UVRAG: variants seen among roughly 807,000 people sequenced by gnomAD.
UVRAG encodes UV radiation resistance associated, also known as UV radiation resistance-associated gene protein.
A neutral mutation model predicts 78.0 loss-of-function variants in UVRAG; 19 were observed. The ratio of observed to expected loss-of-function variants is 0.24; its 90% CI spans 0.17 to 0.36. The LOEUF is 0.36. Ranked by LOEUF, UVRAG falls within the 10% of genes least tolerant of loss-of-function variation. The pLI is 1.00. For synonymous variants in UVRAG, 323 were observed against 324.6 expected (o/e 1.00, Z 0.05); for missense variants, 740 against 853.8 (o/e 0.87, Z 1.66).
intron 14 of UVRAG, chr11:76,137,873 CTCTAGCCTGAGCAACAGAGT>C (rs1285946396): frequency 6.3e-6 from 1 of 158,356 alleles, no homozygotes; most frequent in Non-Finnish European, 1.4e-5. Context: ...CACCAGTGTA[CTCTAGCCTGAGCAACAGAGT>C]GAGACTTTGT....
chr11:76,129,934 C>T (rs1952482552), intron 14 of UVRAG, among the ~76,000 whole-genome samples: 1 of 143,040 alleles, frequency 7.0e-6, no homozygotes, highest in African/African-American at 2.9e-5. Flanking sequence ...CTCTCTCTCG[C>T]TCTCTCTCTC....
At chr11:76,130,529 G>T (rs765978979) in intron 14 of UVRAG, among the ~76,000 whole-genome samples, 5 of 152,212 alleles carry the variant, frequency 3.3e-5, no homozygotes, top group Non-Finnish European at 7.3e-5. Flanking sequence ...CATCTCTAGA[G>T]TCCCAGTCTC....
chr11:75,997,282 T>C (rs926497732), intron 8 of UVRAG, among the ~76,000 whole-genome samples: 2 of 152,234 alleles, frequency 1.3e-5, no homozygotes, highest in African/African-American at 4.8e-5. Flanking sequence ...GAGCTGGCCA[T>C]TGGCCAGTCT....
At position 76,004,461 on chromosome 11, in the gene UVRAG, G is replaced by C. The variant is rs1023594593; in HGVS notation, c.911+372G>C. On this transcript the variant is annotated intron_variant, in intron 9 of 14. Transcript: ENST00000356136. ...CTTCTGCTTCTTGTTAGCTCATTTG[G>C]ATTACTTCAGCAACTAGATTATCTC... is the stretch of plus-strand genomic sequence containing the variant. 2.7e-5 allele frequency among the ~76,000 whole-genome samples: 4 copies of C among 150,854 alleles called. No individual in the cohort carries two copies. In the South Asian group the frequency reaches 8.4e-4, roughly 32 times the overall value.
intron 6 of UVRAG, among the ~76,000 whole-genome samples, chr11:75,951,601 C>T (rs1050627851): frequency 2.0e-5 from 3 of 152,060 alleles, no homozygotes; most frequent in Admixed American, 6.5e-5. Context: ...AGGCTGGTCT[C>T]GAACTCCCAG....
intron 7 of UVRAG, among the ~76,000 whole-genome samples, chr11:75,965,768 ATCT>A (rs1282709669): frequency 2.0e-5 from 3 of 152,164 alleles, no homozygotes; most frequent in Non-Finnish European, 4.4e-5. Flanking sequence ...TAACTTATTA[ATCT>A]TCTGTCTTGC....
chr11:75,982,530 CAGGT>C (rs1565103023), intron 7 of UVRAG, among the ~76,000 whole-genome samples: 1 of 152,144 alleles, frequency 6.6e-6, no homozygotes, highest in Non-Finnish European at 1.5e-5. Context: ...TTATTACAGA[CAGGT>C]GGGTGGTAAA....
At chr11:76,114,842 C>CTT (rs1420466430) in intron 13 of UVRAG, among the ~76,000 whole-genome samples, 2 of 152,128 alleles carry the variant, frequency 1.3e-5, no homozygotes, top group African/African-American at 4.8e-5. Flanking sequence ...TGGTTTTATT[C>CTT]TTTAAGAGAG....
intron 2 of UVRAG, among the ~76,000 whole-genome samples, chr11:75,856,998 C>T (rs1260333786): frequency 6.6e-6 from 1 of 152,216 alleles, no homozygotes; most frequent in Non-Finnish European, 1.5e-5. Flanking sequence ...TTACATTTCA[C>T]ATCCAGTCTT....
chr11:76,110,097 GC>G (rs1455576756), intron 13 of UVRAG, among the ~76,000 whole-genome samples: 1 of 151,626 alleles, frequency 6.6e-6, no homozygotes, highest in African/African-American at 2.4e-5. Context: ...TTCCTTTTCT[GC>G]CCCCCATTCT....
At chr11:75,895,239 A>G (rs961803820) in intron 5 of UVRAG, among the ~76,000 whole-genome samples, 1 of 152,140 alleles carries the variant, frequency 6.6e-6, no homozygotes, top group African/African-American at 2.4e-5. Flanking sequence ...TTTTATTATT[A>G]TTGCTGATGA....
chr11:75,836,722 T>G (rs1000237095), intron 1 of UVRAG, among the ~76,000 whole-genome samples: 1 of 152,214 alleles, frequency 6.6e-6, no homozygotes, highest in Admixed American at 6.5e-5. Flanking sequence ...TAGTAAGCTC[T>G]ATATAATTCC....
At chr11:76,077,117 T>G (rs1264905325) in intron 13 of UVRAG, among the ~76,000 whole-genome samples, 1 of 148,766 alleles carries the variant, frequency 6.7e-6, no homozygotes, top group East Asian at 1.9e-4. Flanking sequence ...CTCATTTCTG[T>G]TTAATGTATA....
intron 12 of UVRAG, among the ~76,000 whole-genome samples, chr11:76,029,905 G>A (rs1348685310): frequency 6.6e-6 from 1 of 152,118 alleles, no homozygotes; most frequent in Non-Finnish European, 1.5e-5. Context: ...CCAACCTTCA[G>A]CAACCACCAC....
At chr11:75,867,985 T>G (rs1302139963) in intron 3 of UVRAG, among the ~76,000 whole-genome samples, 1 of 152,196 alleles carries the variant, frequency 6.6e-6, no homozygotes, top group Non-Finnish European at 1.5e-5. Context: ...TGGTCAAAGA[T>G]TGTAGGACTT....
intron 1 of UVRAG, among the ~76,000 whole-genome samples, chr11:75,820,387 C>T (rs551643470): frequency 8.8e-5 from 13 of 148,394 alleles, no homozygotes; most frequent in African/African-American, 2.7e-4. Flanking sequence ...CGGAGTCTCA[C>T]TCTGTCACCC....
chr11:75,945,659 C>A (rs1168140499), intron 6 of UVRAG, among the ~76,000 whole-genome samples: 2 of 152,044 alleles, frequency 1.3e-5, no homozygotes, highest in Non-Finnish European at 2.9e-5. Context: ...GCTCCTTATC[C>A]TAATATACCA....
Position 75,949,714 on chromosome 11 carries a change from T to TACAC in UVRAG, c.594-11716_594-11713dup, listed in dbSNP as rs1555093473. 2.9e-3 allele frequency among the ~76,000 whole-genome samples: 397 copies of TACAC among 136,858 alleles called. 3 individuals carry two copies. Among genetic ancestry groups the TACAC allele is most frequent in the African/African-American group, 0.011 (367 of 34,530 alleles). 89.8% of individuals were successfully genotyped at this position (136,858 alleles called of 152,430 possible). ...ATACATATATATATATATATATATA[T>TACAC]ACACACACACACACACATATACACA... On this transcript the variant is annotated intron_variant, in intron 6 of 14. Transcript: ENST00000356136.
chr11:76,045,358 T>TG (rs1197939400), intron 12 of UVRAG, among the ~76,000 whole-genome samples: 2 of 152,218 alleles, frequency 1.3e-5, no homozygotes, highest in Admixed American at 1.3e-4. Flanking sequence ...GTTCTGTCAA[T>TG]GCACATCTTT....
Sources: allele counts gnomAD v4.1 joint callset (sites outside exome capture counted in the v4.1 genomes callset), GRCh38; gene constraint gnomAD v4.1.1; transcripts MANE v1.5; gene names NCBI Gene and HGNC (gene_info 2026-07-23, HGNC 2026-07-21).